The following B3GAT2 variants were observed in gnomAD, a reference collection of about 807,000 sequenced individuals.
The protein encoded by B3GAT2 is galactosylgalactosylxylosylprotein 3-beta-glucuronosyltransferase 2.
Under a neutral mutation model 27.8 loss-of-function variants are expected in B3GAT2, and 26 were observed. The observed-to-expected ratio is 0.93, with a 90% CI of 0.68 to 1.30. The LOEUF (loss-of-function observed/expected upper bound fraction) is 1.30, where lower values mean the gene tolerates loss of function less well. B3GAT2 is among the 50% of genes most tolerant of loss of function. B3GAT2 has a pLI of 0.00. For synonymous variants in B3GAT2, 218 were observed against 195.1 expected (o/e 1.12, Z -0.98); for missense variants, 458 against 459.0 (o/e 1.00, Z 0.02).
At chr6:70,938,347 C>A (rs1284978935) in intron 1 of B3GAT2, among the ~76,000 whole-genome samples, 1 of 147,612 alleles carries the variant, frequency 6.8e-6, no homozygotes, top group Non-Finnish European at 1.5e-5. Flanking sequence ...TTTATAGATT[C>A]AATGCCATCC....
At chr6:70,955,175 C>CCA (rs1765633634) in intron 1 of B3GAT2, among the ~76,000 whole-genome samples, 1 of 131,810 alleles carries the variant, frequency 7.6e-6, no homozygotes, top group East Asian at 2.2e-4. Flanking sequence ...GGTTTTCTTG[C>CCA]AAAAAAAAAA....
chr6:70,874,165 A>C (rs961837376), intron 2 of B3GAT2, among the ~76,000 whole-genome samples: 6 of 152,216 alleles, frequency 3.9e-5, no homozygotes, highest in Non-Finnish European at 8.8e-5. Context: ...TTGAAATAAT[A>C]TAATGTGACA....
At chr6:70,894,783 T>C (rs1320387193) in intron 1 of B3GAT2, among the ~76,000 whole-genome samples, 1 of 152,192 alleles carries the variant, frequency 6.6e-6, no homozygotes, top group Non-Finnish European at 1.5e-5. Flanking sequence ...GACCTGAACC[T>C]GGCTTCTTCC....
intron 2 of B3GAT2, among the ~76,000 whole-genome samples, chr6:70,863,259 A>G (rs565153688): frequency 1.3e-5 from 2 of 152,334 alleles, no homozygotes; most frequent in Admixed American, 6.5e-5. Flanking sequence ...TTGCAAAGTA[A>G]TACTAAATGA....
At chr6:70,949,581 T>C (rs12193302) in intron 1 of B3GAT2, among the ~76,000 whole-genome samples, 80,077 of 125,430 alleles carry the variant, frequency 0.64, 23,905 homozygotes, top group Middle Eastern at 0.69. Flanking sequence ...TGTGGAGAAA[T>C]AGGAACACTT....
At chr6:70,933,580 A>G (rs1773093989) in intron 1 of B3GAT2, among the ~76,000 whole-genome samples, 1 of 152,212 alleles carries the variant, frequency 6.6e-6, no homozygotes, top group Admixed American at 6.6e-5. Context: ...TGAGGAACTT[A>G]TCAAAGTTAT....
intron 1 of B3GAT2, among the ~76,000 whole-genome samples, chr6:70,895,281 C>T (rs969796162): frequency 2.6e-5 from 4 of 151,976 alleles, no homozygotes; most frequent in African/African-American, 9.7e-5. Flanking sequence ...TGCTATAGAA[C>T]TGAACTGGGT....
At position 70,923,453 on chromosome 6, in the gene B3GAT2, A is replaced by G. The variant is rs112148075; in HGVS notation, c.592-29181T>C. On this transcript the variant is annotated intron_variant, in intron 1 of 3. Coordinates refer to ENST00000230053, the MANE Select transcript of B3GAT2 (RefSeq NM_080742.3). ...GCACTTTGGGAGGCTGAGGTGTCAG[A>G]ATTGCTTGAGCCCAAGAGCTTGAGA... Among the ~76,000 whole-genome samples, 1,422 of 152,252 alleles carry G rather than the reference A, an allele frequency of 9.3e-3. 11 individuals carry two copies. The highest frequency in any genetic ancestry group is 0.048 in the Middle Eastern group (14 of 294).
At position 70,955,982 on chromosome 6, in the gene B3GAT2, G is replaced by C. The variant is rs1175543237; in HGVS notation, c.448C>G (p.Arg150Gly). Reference sequence around the variant, plus strand: ...TCAGTGGCGCGCGGCAGCCCGGGCCGCTTGTAGCGCCGCGGCGTGGGCACG... The same window carrying C: ...TCAGTGGCGCGCGGCAGCCCGGGCCCCTTGTAGCGCCGCGGCGTGGGCACG... ...LHVPTPRRYK[R>G]PGLPRATEQR... is the part of the protein sequence containing the mutation. The change falls in exon 1 of 4, where the codon CGG (arginine) becomes GGG (glycine). Residue 150 changes from arginine (R) to glycine (G), a missense_variant. Coordinates refer to ENST00000230053, the MANE Select transcript of B3GAT2 (RefSeq NM_080742.3). 2 of 1,460,546 alleles carry C rather than the reference G, an allele frequency of 1.4e-6. No homozygotes were observed. The highest frequency in any genetic ancestry group is 1.4e-5 in the South Asian group (1 of 70,532). The allele number at this position is 1,460,546 out of a possible 1,614,324, so 90.5% of individuals were successfully genotyped here.
rs1396499714 is a variant in B3GAT2 at position 70,860,513 on chromosome 6, G to A, written c.*1150C>T. On this transcript the variant is annotated 3_prime_UTR_variant, in exon 4 of 4. Transcript: ENST00000230053. ...TTCAATTTGATGTGGTGAAAAGCAG[G>A]TTGATAAATCATTTTATGTCAAGGG... 8 of 590,950 alleles carry A rather than the reference G, an allele frequency of 1.4e-5. No homozygotes were observed. Among genetic ancestry groups the A allele is most frequent in the Non-Finnish European group, 7.7e-6 (3 of 390,872 alleles). The allele number at this position is 590,950 out of a possible 1,614,324, so 36.6% of individuals were successfully genotyped here.
chr6:70,929,274 C>G (rs1456513448), intron 1 of B3GAT2, among the ~76,000 whole-genome samples: 1 of 142,344 alleles, frequency 7.0e-6, no homozygotes. Flanking sequence ...GTGCAGCACA[C>G]CAACATGGCA....
At chr6:70,890,950 T>G (rs1048694950) in intron 2 of B3GAT2, among the ~76,000 whole-genome samples, 1 of 151,786 alleles carries the variant, frequency 6.6e-6, no homozygotes, top group African/African-American at 2.4e-5. Flanking sequence ...TTTTAAGTTC[T>G]CAACTTGAAC....
In B3GAT2 at chr6:70,891,102, A is replaced by T. The variant is rs183876705; in HGVS notation, c.736+3026T>A. 8.5e-5 allele frequency among the ~76,000 whole-genome samples: 13 copies of T among 152,224 alleles called. No homozygotes were observed. The East Asian group carries it at 2.3e-3, about 27-fold the overall frequency. ...TGCCTCCCTTCAAAACAGAGCTAAA[A>T]CCTTTGGTGGACTTCCTCACTTTTA... On this transcript the variant is annotated intron_variant, in intron 2 of 3. Transcript: ENST00000230053.
At chr6:70,950,067 G>A (rs1355802743) in intron 1 of B3GAT2, among the ~76,000 whole-genome samples, 1 of 151,240 alleles carries the variant, frequency 6.6e-6, no homozygotes, top group Non-Finnish European at 1.5e-5. Context: ...GGTGGGGGTT[G>A]GGGGGAGGGA....
intron 1 of B3GAT2, among the ~76,000 whole-genome samples, chr6:70,907,849 T>C (rs903073598): frequency 6.6e-6 from 1 of 152,214 alleles, no homozygotes; most frequent in Non-Finnish European, 1.5e-5. Flanking sequence ...AGCCTCTCAG[T>C]AGTCAGGGTT....
At chr6:70,926,415 C>T (rs1772959856) in intron 1 of B3GAT2, among the ~76,000 whole-genome samples, 1 of 152,042 alleles carries the variant, frequency 6.6e-6, no homozygotes, top group African/African-American at 2.4e-5. Flanking sequence ...CTCAAAGAAG[C>T]TAAAAACCTG....
At chr6:70,939,564 G>A (rs2150048881) in intron 1 of B3GAT2, among the ~76,000 whole-genome samples, 1 of 151,866 alleles carries the variant, frequency 6.6e-6, no homozygotes, top group South Asian at 2.1e-4. Context: ...ATACTATGCA[G>A]CCATAAAAAA....
At chr6:70,904,958 C>T (rs962901662) in intron 1 of B3GAT2, among the ~76,000 whole-genome samples, 2 of 152,090 alleles carry the variant, frequency 1.3e-5, no homozygotes, top group African/African-American at 4.8e-5. Flanking sequence ...ATATATGCTG[C>T]TTCATTGGAT....
At position 70,956,456 on chromosome 6, in the gene B3GAT2, AC is replaced by A; in HGVS notation, c.-28del. 1 of 1,549,896 alleles carries A rather than the reference AC, an allele frequency of 6.5e-7. No homozygotes were observed. Among genetic ancestry groups the A allele is most frequent in the South Asian group, 1.2e-5 (1 of 84,012 alleles). On this transcript the variant is annotated 5_prime_UTR_variant, in exon 1 of 4. Transcript: ENST00000230053. ...GTGCACGCTCCCTGGCCTCTCGGAC[AC>A]CCCAGAGAGGGGCGAGCCGAGGGAC...
Sources: gnomAD v4.1 joint callset for allele counts (sites outside exome capture counted in the v4.1 genomes callset) on GRCh38, gnomAD v4.1.1 for gene constraint, MANE v1.5 for transcripts, NCBI Gene and HGNC (gene_info 2026-07-23, HGNC 2026-07-21) for gene names.